Variants in HTR2C observed in about 807,000 individuals in gnomAD.
HTR2C encodes 5-hydroxytryptamine (serotonin) receptor 2C, G protein-coupled.
HTR2C carries 5 observed loss-of-function variants against 21.0 expected under a neutral mutation model. The ratio of observed to expected loss-of-function variants is 0.24; its 90% CI spans 0.12 to 0.50. HTR2C has a LOEUF of 0.50. Ranked by LOEUF, HTR2C falls within the 20% of genes least tolerant of loss-of-function variation. HTR2C has a pLI of 0.98. For synonymous variants in HTR2C, 150 were observed against 145.3 expected (o/e 1.03, Z -0.23); for missense variants, 271 against 371.2 (o/e 0.73, Z 2.22).
intron 4 of HTR2C, among the ~76,000 whole-genome samples, chrX:114,821,697 T>C (rs1346405291): frequency 1.8e-5 from 2 of 110,923 alleles, no homozygotes; most frequent in African/African-American, 6.5e-5. Flanking sequence ...TCATTAGTTA[T>C]TAAGAAGATT....
intron 5 of HTR2C, among the ~76,000 whole-genome samples, chrX:114,882,703 A>G (rs1288993745): frequency 3.6e-5 from 4 of 110,213 alleles, no homozygotes; most frequent in Non-Finnish European, 5.7e-5. Flanking sequence ...CATGGTGCAT[A>G]ATTTTTTATA....
chrX:114,907,208 G>T lies in HTR2C; in HGVS notation c.1170G>T (p.Glu390Asp), dbSNP rs2071382276. The T allele has an allele frequency of 2.5e-6, 3 of 1,211,438 alleles. No individual in the cohort carries two copies. Among genetic ancestry groups the T allele is most frequent in the Non-Finnish European group, 2.2e-6 (2 of 895,400 alleles). ...ATTTGCGTTGCAATTATAAGGTAGA[G>T]AAAAAGCCTCCTGTCAGGCAGATTC... is the stretch of plus-strand genomic sequence containing the variant. Reference protein sequence around the residue: ...SNYLRCNYKVEKKPPVRQIPR... With the variant: ...SNYLRCNYKVDKKPPVRQIPR... Residue 390 changes from glutamate (E) to aspartate (D), a missense_variant, in exon 6 of 6, where the codon GAG becomes GAT. Physicochemically the swap from Glu to Asp is conservative, Grantham distance 45. Around this residue, in one of 5 missense-constraint regions of HTR2C, gnomAD observed 192 missense variants for 247.2 expected, o/e 0.78. Coordinates refer to ENST00000276198, the MANE Select transcript of HTR2C (RefSeq NM_000868.4).
chrX:114,652,077 C>T (rs1930596899), intron 2 of HTR2C, among the ~76,000 whole-genome samples: 1 of 110,940 alleles, frequency 9.0e-6, no homozygotes, highest in African/African-American at 3.3e-5. Flanking sequence ...GTTTCTTTAA[C>T]CCATTTATTT....
chrX:114,724,298 G>A (rs782491701), intron 2 of HTR2C, among the ~76,000 whole-genome samples: 1 of 98,762 alleles, frequency 1.0e-5, no homozygotes, highest in African/African-American at 3.6e-5. Context: ...TTTGATCTTT[G>A]TTGGTTTAAA....
intron 2 of HTR2C, among the ~76,000 whole-genome samples, chrX:114,635,990 C>CTT (rs1929826376): frequency 9.1e-6 from 1 of 110,463 alleles, no homozygotes; most frequent in African/African-American, 3.3e-5. Flanking sequence ...TATTTTCAGA[C>CTT]TGTGAATATA....
At chrX:114,774,489 G>C (rs2070036437) in intron 4 of HTR2C, among the ~76,000 whole-genome samples, 1 of 111,751 alleles carries the variant, frequency 8.9e-6, no homozygotes, top group Admixed American at 9.5e-5. Context: ...ACACCTTCAG[G>C]ATTGCATTTT....
chrX:114,727,176 T>C (rs2069490266), intron 3 of HTR2C, among the ~76,000 whole-genome samples: 1 of 112,186 alleles, frequency 8.9e-6, no homozygotes, highest in African/African-American at 3.2e-5. Context: ...AATTAAGCAC[T>C]TGAGCTCATA....
intron 4 of HTR2C, among the ~76,000 whole-genome samples, chrX:114,833,290 T>C (rs2070747271): frequency 1.0e-5 from 1 of 100,284 alleles, no homozygotes; most frequent in South Asian, 5.3e-4. Flanking sequence ...AGTTCCTCCT[T>C]GTACCTCTGG....
At chrX:114,599,116 A>T (rs1286750678) in intron 1 of HTR2C, among the ~76,000 whole-genome samples, 1 of 111,656 alleles carries the variant, frequency 9.0e-6, no homozygotes, top group Non-Finnish European at 1.9e-5. Flanking sequence ...ATTCAAAATG[A>T]ACAGGAAGTA....
At chrX:114,864,461 G>T (rs782083778) in intron 5 of HTR2C, among the ~76,000 whole-genome samples, 2 of 111,392 alleles carry the variant, frequency 1.8e-5, no homozygotes, top group Non-Finnish European at 3.8e-5. Flanking sequence ...CACAACTTTT[G>T]TCTTGTTATA....
chrX:114,901,559 T>G (rs1395443814), intron 5 of HTR2C, among the ~76,000 whole-genome samples: 2 of 112,083 alleles, frequency 1.8e-5, no homozygotes, highest in Non-Finnish European at 3.8e-5. Flanking sequence ...CTTAACAATG[T>G]TAATGAATTT....
intron 2 of HTR2C, among the ~76,000 whole-genome samples, chrX:114,615,919 A>G (rs1452521183): frequency 8.9e-6 from 1 of 111,921 alleles, no homozygotes; most frequent in Non-Finnish European, 1.9e-5. Flanking sequence ...AGAGGGAGGC[A>G]TGGTTTAACA....
At chrX:114,877,198 T>C (rs1257881804) in intron 5 of HTR2C, among the ~76,000 whole-genome samples, 1 of 111,595 alleles carries the variant, frequency 9.0e-6, no homozygotes, top group East Asian at 2.8e-4. Context: ...TAAAGAAATG[T>C]ATCCATTTCT....
chrX:114,892,660 T>G (rs782330362), intron 5 of HTR2C, among the ~76,000 whole-genome samples: 1 of 110,725 alleles, frequency 9.0e-6, no homozygotes, highest in Admixed American at 9.6e-5. Context: ...TCTGTATCTA[T>G]AGTATCATAA....
intron 1 of HTR2C, among the ~76,000 whole-genome samples, chrX:114,592,356 T>C (rs954908852): frequency 8.9e-6 from 1 of 112,267 alleles, no homozygotes; most frequent in African/African-American, 3.2e-5. Context: ...TACCATAGAT[T>C]TATACTTTAC....
chrX:114,719,993 T>C (rs1307560837), intron 2 of HTR2C, among the ~76,000 whole-genome samples: 3 of 111,842 alleles, frequency 2.7e-5, no homozygotes, highest in Non-Finnish European at 5.6e-5. Context: ...TTGAAAATCA[T>C]TTTAATACTT....
chrX:114,817,159 C>A (rs1242479999), intron 4 of HTR2C, among the ~76,000 whole-genome samples: 1 of 110,884 alleles, frequency 9.0e-6, no homozygotes, highest in Admixed American at 9.6e-5. Context: ...TAAAATGTGT[C>A]TGTAGGTTTT....
chrX:114,763,257 C>T (rs782488427), intron 4 of HTR2C: 53 of 125,600 alleles, frequency 4.2e-4, no homozygotes, highest in Admixed American at 4.1e-3. Context: ...TCTCCGCTGA[C>T]GCTTTGCCAT....
intron 2 of HTR2C, among the ~76,000 whole-genome samples, chrX:114,685,942 A>G (rs1931899332): frequency 9.0e-6 from 1 of 111,389 alleles, no homozygotes; most frequent in African/African-American, 3.3e-5. Flanking sequence ...TGAAGCTTTC[A>G]TCATTAGGGA....
Sources: allele counts gnomAD v4.1 joint callset (sites outside exome capture counted in the v4.1 genomes callset), GRCh38; gene constraint gnomAD v4.1.1; regional missense constraint gnomAD v4.1.1; transcripts MANE v1.5; gene names NCBI Gene and HGNC (gene_info 2026-07-23, HGNC 2026-07-21).